The following CCNY variants were observed in gnomAD, a reference collection of about 807,000 sequenced individuals.
The protein encoded by CCNY is cyclin Y, also known as cyclin-Y.
A neutral mutation model predicts 42.8 loss-of-function variants in CCNY; 19 were observed. The observed-to-expected ratio is 0.44, with a 90% CI of 0.31 to 0.65. The LOEUF is 0.65. Among genes scored for constraint, CCNY ranks in the 30% least tolerant of loss-of-function variants. CCNY has a pLI of 0.07. For synonymous variants in CCNY, 165 were observed against 162.7 expected (o/e 1.01, Z -0.11); for missense variants, 370 against 437.3 (o/e 0.85, Z 1.37).
chr10:35,354,210 A>T (rs1223281798), intron 1 of CCNY, among the ~76,000 whole-genome samples: 20 of 139,898 alleles, frequency 1.4e-4, no homozygotes, highest in African/African-American at 5.4e-4. Flanking sequence ...TTTTGGGATG[A>T]CATCTCACTC....
At chr10:35,330,697 G>C (rs1835932032) in intron 3 of CCNY, among the ~76,000 whole-genome samples, 1 of 152,086 alleles carries the variant, frequency 6.6e-6, no homozygotes, top group Non-Finnish European at 1.5e-5. Context: ...TTCAAAACTG[G>C]ATGCTAGAAT....
At chr10:35,279,414 A>G (rs1324308424) in intron 3 of CCNY, among the ~76,000 whole-genome samples, 2 of 152,240 alleles carry the variant, frequency 1.3e-5, no homozygotes, top group East Asian at 3.9e-4. Flanking sequence ...GCTCCTGGTC[A>G]TGCCTTCAAT....
At position 35,541,113 on chromosome 10, in the gene CCNY, A is replaced by ATT. The variant is rs34128223; in HGVS notation, c.579+10878_579+10879dup. 2.0e-5 allele frequency among the ~76,000 whole-genome samples: 3 copies of ATT among 150,184 alleles called. No individual in the cohort carries two copies. The South Asian group carries it at 6.3e-4, about 32-fold the overall frequency. Reference sequence around the variant, plus strand: ...TGGAAAGTTAGGTTATTGATTTGAGATTTTTTTTTAATACAGGCATCTACA... The same window carrying ATT: ...TGGAAAGTTAGGTTATTGATTTGAGATTTTTTTTTTTAATACAGGCATCTACA... On this transcript the variant is annotated intron_variant, in intron 7 of 9. Coordinates refer to ENST00000374704, the MANE Select transcript of CCNY (RefSeq NM_145012.6).
chr10:35,330,898 AG>A (rs1835935975), intron 3 of CCNY, among the ~76,000 whole-genome samples: 1 of 152,092 alleles, frequency 6.6e-6, no homozygotes, highest in Non-Finnish European at 1.5e-5. Context: ...CTGGGATTAC[AG>A]GCATGCGGCA....
In CCNY at chr10:35,530,385, C is replaced by T. The variant is rs927129248; in HGVS notation, c.579+142C>T. ...ACCGTGGCATAAGCTTCAGTGTTGTCGTTCTCCTGGGAGAATAGAGGATAG... is the reference window on the plus strand; with the variant it reads ...ACCGTGGCATAAGCTTCAGTGTTGTTGTTCTCCTGGGAGAATAGAGGATAG... On this transcript the variant is annotated intron_variant, in intron 7 of 9. Transcript: ENST00000374704. The surrounding 1 kb of genome is among the most constrained non-coding windows in gnomAD (Gnocchi z 4.3). 1.2e-5 allele frequency: 12 copies of T among 990,212 alleles called. No homozygotes were observed. In the Admixed American group the frequency reaches 1.2e-4, roughly 10 times the overall value. 61.3% of individuals were successfully genotyped at this position (990,212 alleles called of 1,614,324 possible).
intron 1 of CCNY, among the ~76,000 whole-genome samples, chr10:35,408,983 A>G (rs1837844895): frequency 1.3e-5 from 2 of 151,996 alleles, no homozygotes; most frequent in East Asian, 3.8e-4. Context: ...ATGAAGAAAA[A>G]CAAAAAGAGT....
intron 1 of CCNY, among the ~76,000 whole-genome samples, chr10:35,473,682 A>G (rs1839437081): frequency 2.0e-5 from 3 of 152,200 alleles, no homozygotes. Context: ...TTAGCAGTGA[A>G]GTGTATTTTG....
chr10:35,557,057 G>A (rs556112538), intron 8 of CCNY, among the ~76,000 whole-genome samples: 2 of 152,172 alleles, frequency 1.3e-5, no homozygotes, highest in South Asian at 4.1e-4. Context: ...TGTTGGCCAG[G>A]CTGGTCTCAA....
intron 4 of CCNY, among the ~76,000 whole-genome samples, chr10:35,525,540 G>A (rs1199813866): frequency 6.6e-6 from 1 of 152,148 alleles, no homozygotes; most frequent in Non-Finnish European, 1.5e-5. Flanking sequence ...GACTTCTTGG[G>A]TGATATTCAC....
At chr10:35,294,332 T>G (rs931105498) in intron 3 of CCNY, among the ~76,000 whole-genome samples, 2 of 152,234 alleles carry the variant, frequency 1.3e-5, no homozygotes, top group South Asian at 4.1e-4. Flanking sequence ...TTTGTCTTAT[T>G]CCTGATCTGA....
intron 3 of CCNY, among the ~76,000 whole-genome samples, chr10:35,330,228 G>C (rs1835926282): frequency 6.6e-6 from 1 of 152,192 alleles, no homozygotes. Flanking sequence ...CTATTCAGAG[G>C]AACCATTAGC....
chr10:35,251,847 C>T (rs535981640), intron 3 of CCNY, among the ~76,000 whole-genome samples: 3 of 152,198 alleles, frequency 2.0e-5, no homozygotes, highest in African/African-American at 7.2e-5. Context: ...TTTCGGCGGC[C>T]CAAACTGCTA....
intron 3 of CCNY, among the ~76,000 whole-genome samples, chr10:35,276,111 A>C (rs1835236256): frequency 6.6e-6 from 1 of 152,210 alleles, no homozygotes; most frequent in African/African-American, 2.4e-5. Flanking sequence ...TGGACCTGAA[A>C]ATAGGCTCGG....
chr10:35,540,368 A>G (rs1036392153), intron 7 of CCNY, among the ~76,000 whole-genome samples: 2 of 152,194 alleles, frequency 1.3e-5, no homozygotes, highest in Non-Finnish European at 2.9e-5. Flanking sequence ...TAATATGTTA[A>G]ATCAACCCCG....
At chr10:35,394,863 T>A in intron 1 of CCNY, 2 of 984,938 alleles carry the variant, frequency 2.0e-6, no homozygotes, top group Non-Finnish European at 1.2e-6. Flanking sequence ...TCACGGGCCC[T>A]CTCCTTCTGA....
chr10:35,430,342 A>AC lies in CCNY; in HGVS notation c.155-53062_155-53061insC, dbSNP rs1380780541. 4.7e-4 allele frequency among the ~76,000 whole-genome samples: 62 copies of AC among 131,410 alleles called. 1 individual carries two copies. Among genetic ancestry groups the AC allele is most frequent in the African/African-American group, 2.1e-3 (62 of 29,522 alleles). The allele number at this position is 131,410 out of a possible 152,430, so 86.2% of individuals were successfully genotyped here. ...ACAGAGCGAGACTCCGTCTCAAAAA[A>AC]AAAAAAAAAAAAAAAAAAAGTGATG... On this transcript the variant is annotated intron_variant, in intron 1 of 9. Transcript: ENST00000374704.
chr10:35,509,874 G>T (rs1208878173), intron 3 of CCNY, among the ~76,000 whole-genome samples: 1 of 152,216 alleles, frequency 6.6e-6, no homozygotes, highest in Non-Finnish European at 1.5e-5. Flanking sequence ...GGCAAAGACA[G>T]TTCTGCAAAA....
intron 1 of CCNY, among the ~76,000 whole-genome samples, chr10:35,355,257 T>A (rs1011286273): frequency 6.6e-6 from 1 of 152,228 alleles, no homozygotes; most frequent in Admixed American, 6.5e-5. Context: ...GAAATAATTT[T>A]CTCAAATATA....
chr10:35,494,271 T>C (rs1223842403), intron 2 of CCNY, among the ~76,000 whole-genome samples: 1 of 149,392 alleles, frequency 6.7e-6, no homozygotes, highest in Non-Finnish European at 1.5e-5. Flanking sequence ...TAAAGATTTT[T>C]TTTTTTTAAA....
Sources: allele counts gnomAD v4.1 joint callset (sites outside exome capture counted in the v4.1 genomes callset), GRCh38; gene constraint gnomAD v4.1.1; non-coding constraint Gnocchi (gnomAD v3.1); transcripts MANE v1.5; gene names NCBI Gene and HGNC (gene_info 2026-07-23, HGNC 2026-07-21).